Variants in DIAPH3 observed in about 807,000 individuals in gnomAD.
The protein encoded by DIAPH3 is protein diaphanous homolog 3.
A neutral mutation model predicts 144.3 loss-of-function variants in DIAPH3; 117 were observed. That is an observed-to-expected ratio of 0.81 (90% CI 0.70 to 0.95). The LOEUF is 0.95. Ranked by LOEUF, DIAPH3 falls within the 40% of genes least tolerant of loss-of-function variation. DIAPH3 has a pLI of 0.00. For synonymous variants in DIAPH3, 519 were observed against 488.9 expected (o/e 1.06, Z -0.81); for missense variants, 1,421 against 1,412.7 (o/e 1.01, Z -0.09).
At chr13:60,033,939 C>G (rs1443055759) in intron 5 of DIAPH3, among the ~76,000 whole-genome samples, 1 of 152,098 alleles carries the variant, frequency 6.6e-6, no homozygotes, top group African/African-American at 2.4e-5. Flanking sequence ...AATGTGATGC[C>G]TTCCTTTGTA....
rs368789801 is a variant in DIAPH3, at chr13:59,879,344, T to C, written c.2492A>G (p.Lys831Arg). ...CAACTTGCTAAAGCTTTTGCTCTTC[T>C]TTATCTCTTCGCAGGCAGTACTGAC... is the stretch of plus-strand genomic sequence containing the variant. ...MAVSTACEEIKKSKSFSKLLE... is the reference protein window; with the variant it reads ...MAVSTACEEIRKSKSFSKLLE... Residue 831 changes from lysine (K) to arginine (R), a missense_variant, in exon 21 of 28, where the codon AAG (lysine) becomes AGG (arginine). Physicochemically the swap from Lys to Arg is conservative, Grantham distance 26 (BLOSUM62 2). Transcript: ENST00000400324. The C allele has an allele frequency of 2.5e-6, 4 of 1,613,808 alleles. No homozygotes were observed. The highest frequency in any genetic ancestry group is 2.7e-5 in the African/African-American group (2 of 74,916).
chr13:59,687,851 T>C (rs540885601), intron 27 of DIAPH3, among the ~76,000 whole-genome samples: 1 of 152,004 alleles, frequency 6.6e-6, no homozygotes, highest in Non-Finnish European at 1.5e-5. Flanking sequence ...AATAATGAAA[T>C]CCTATAGATA....
intron 27 of DIAPH3, among the ~76,000 whole-genome samples, chr13:59,671,963 A>C (rs1043333351): frequency 1.3e-4 from 20 of 152,178 alleles, no homozygotes; most frequent in Non-Finnish European, 5.9e-5. Flanking sequence ...AGAAAGCTTA[A>C]AAAAACTCAT....
intron 18 of DIAPH3, among the ~76,000 whole-genome samples, chr13:59,922,301 GA>G (rs1489261122): frequency 5.3e-5 from 8 of 151,936 alleles, no homozygotes; most frequent in Non-Finnish European, 8.8e-5. Context: ...ATAAACAAAT[GA>G]AACTTATAAA....
chr13:60,108,770 A>T (rs1009548752), intron 3 of DIAPH3, among the ~76,000 whole-genome samples: 4 of 152,164 alleles, frequency 2.6e-5, no homozygotes, highest in Non-Finnish European at 5.9e-5. Flanking sequence ...ATAGAGAAGT[A>T]AATGGATGTG....
chr13:59,740,226 G>A (rs372320908), intron 27 of DIAPH3, among the ~76,000 whole-genome samples: 4 of 152,048 alleles, frequency 2.6e-5, no homozygotes, highest in African/African-American at 4.8e-5. Flanking sequence ...GAACCATTAC[G>A]GAATATTTTA....
intron 5 of DIAPH3, 110 bp downstream of exon 5, chr13:60,042,580 T>G (rs2055760212): frequency 7.6e-7 from 1 of 1,323,328 alleles, no homozygotes; most frequent in East Asian, 2.4e-5. Context: ...GGTATTCAGT[T>G]TGTACTTTGA....
At chr13:60,010,428 T>C in intron 8 of DIAPH3, 105 bp downstream of exon 8, 1 of 1,234,356 alleles carries the variant, frequency 8.1e-7, no homozygotes. Context: ...TCAACATTTA[T>C]TTAAATTCTA....
intron 25 of DIAPH3, among the ~76,000 whole-genome samples, chr13:59,799,974 GTATC>G (rs1197843986): frequency 4.6e-5 from 7 of 151,980 alleles, no homozygotes; most frequent in Admixed American, 2.0e-4. Flanking sequence ...TTAATATTGA[GTATC>G]TAATTAATGA....
At chr13:59,738,444 G>T (rs542953225) in intron 27 of DIAPH3, among the ~76,000 whole-genome samples, 87 of 152,188 alleles carry the variant, frequency 5.7e-4, no homozygotes, top group African/African-American at 1.9e-3. Context: ...CAGACCCAAG[G>T]CATGCCAACT....
chr13:59,741,703 C>CAAAAAAAAAAAAAAAA (rs756556231), intron 27 of DIAPH3, among the ~76,000 whole-genome samples: 4 of 93,716 alleles, frequency 4.3e-5, no homozygotes, highest in East Asian at 2.6e-4. Flanking sequence ...GGCAACAAAG[C>CAAAAAAAAAAAAAAAA]AAAAAAAAAA....
intron 20 of DIAPH3, among the ~76,000 whole-genome samples, chr13:59,900,862 A>G (rs537122124): frequency 6.6e-6 from 1 of 152,260 alleles, no homozygotes; most frequent in South Asian, 2.1e-4. Flanking sequence ...TCTCTTGCAG[A>G]CTTTCCCTCA....
chr13:59,866,022 T>C (rs758103910), intron 21 of DIAPH3, among the ~76,000 whole-genome samples: 8 of 152,012 alleles, frequency 5.3e-5, no homozygotes, highest in Non-Finnish European at 8.8e-5. Flanking sequence ...AATATTTAGA[T>C]GTTTAGATGC....
At chr13:59,906,264 TACA>T (rs1279028447) in intron 20 of DIAPH3, among the ~76,000 whole-genome samples, 15 of 152,080 alleles carry the variant, frequency 9.9e-5, no homozygotes, top group Admixed American at 8.5e-4. Flanking sequence ...TTAAAAACAG[TACA>T]ACATGAAAAA....
intron 21 of DIAPH3, among the ~76,000 whole-genome samples, chr13:59,874,993 T>C (rs1330881766): frequency 6.6e-6 from 1 of 152,204 alleles, no homozygotes; most frequent in African/African-American, 2.4e-5. Context: ...ATCTCATATA[T>C]TTTAATATGG....
chr13:60,108,933 C>G (rs920483228), intron 3 of DIAPH3, among the ~76,000 whole-genome samples: 1 of 151,966 alleles, frequency 6.6e-6, no homozygotes, highest in Admixed American at 6.6e-5. Context: ...GATGAGTTCA[C>G]TTTCTGATGT....
chr13:59,715,449 T>C (rs2034997546), intron 27 of DIAPH3, among the ~76,000 whole-genome samples: 1 of 152,184 alleles, frequency 6.6e-6, no homozygotes, highest in South Asian at 2.1e-4. Flanking sequence ...CTTTGAAAGT[T>C]CCTTATAGAC....
chr13:59,669,273 T>C (rs1323147050), intron 27 of DIAPH3, among the ~76,000 whole-genome samples: 1 of 152,180 alleles, frequency 6.6e-6, no homozygotes, highest in Non-Finnish European at 1.5e-5. Context: ...TCACTTAGAT[T>C]CATGACTATG....
At chr13:59,726,182 A>G (rs2035595680) in intron 27 of DIAPH3, among the ~76,000 whole-genome samples, 1 of 152,220 alleles carries the variant, frequency 6.6e-6, no homozygotes, top group African/African-American at 2.4e-5. Context: ...TTTATATAAA[A>G]CCACTTATTT....
Sources: allele counts gnomAD v4.1 joint callset (sites outside exome capture counted in the v4.1 genomes callset), GRCh38; gene constraint gnomAD v4.1.1; transcripts MANE v1.5; gene names NCBI Gene and HGNC (gene_info 2026-07-23, HGNC 2026-07-21).